The following SYNDIG1 variants were observed in gnomAD, a reference collection of about 807,000 sequenced individuals.
SYNDIG1 encodes synapse differentiation inducing 1.
SYNDIG1 carries 9 observed loss-of-function variants against 19.4 expected under a neutral mutation model. The observed-to-expected ratio is 0.46, with a 90% CI of 0.28 to 0.81. The LOEUF (loss-of-function observed/expected upper bound fraction) is 0.81. Ranked by LOEUF, SYNDIG1 falls within the 30% of genes least tolerant of loss-of-function variation. The probability of loss-of-function intolerance (pLI) is 0.12; values close to 1 mark genes in which losing one functional copy is unlikely to be tolerated. For synonymous variants in SYNDIG1, 141 were observed against 145.9 expected (o/e 0.97, Z 0.24); for missense variants, 311 against 343.3 (o/e 0.91, Z 0.74).
At chr20:24,620,881 C>G (rs1452845296) in intron 3 of SYNDIG1, among the ~76,000 whole-genome samples, 1 of 152,140 alleles carries the variant, frequency 6.6e-6, no homozygotes, top group East Asian at 1.9e-4. Context: ...CCTAAAATGC[C>G]TTCTGTCAGT....
intron 3 of SYNDIG1, among the ~76,000 whole-genome samples, chr20:24,664,774 C>T (rs1471449797): frequency 6.6e-6 from 1 of 152,162 alleles, no homozygotes; most frequent in Non-Finnish European, 1.5e-5. Flanking sequence ...CTCATGGCCA[C>T]AGCAGGTGAG....
intron 2 of SYNDIG1, among the ~76,000 whole-genome samples, chr20:24,577,918 A>T (rs1359869064): frequency 6.6e-6 from 1 of 152,184 alleles, no homozygotes; most frequent in East Asian, 1.9e-4. Context: ...TTCATGGGTA[A>T]TGATAGGCCC....
intron 1 of SYNDIG1, among the ~76,000 whole-genome samples, chr20:24,524,300 C>T (rs938531393): frequency 8.5e-5 from 13 of 152,210 alleles, no homozygotes; most frequent in Admixed American, 3.3e-4. Flanking sequence ...TGTCCACACT[C>T]CTTCTTCTCG....
chr20:24,602,659 C>A (rs924416452), intron 3 of SYNDIG1, among the ~76,000 whole-genome samples: 7 of 152,218 alleles, frequency 4.6e-5, no homozygotes, highest in African/African-American at 1.7e-4. Context: ...TTATTGTCCT[C>A]TCCCTGGCCT....
rs1007655867 is a variant in SYNDIG1, at chr20:24,658,865, T to A, written c.619-6481T>A. ...CTGTTTACTTTTAAATTAGTTAAAA[T>A]TAAATAATATTAAAATTCGGTTCTG... On this transcript the variant is annotated intron_variant, in intron 3 of 3. Transcript: ENST00000376862. This position sits in a 1 kb window ranked among gnomAD's most constrained non-coding sequence, Gnocchi z 4.4. Among the ~76,000 whole-genome samples, 1 of 152,158 alleles carries A rather than the reference T, an allele frequency of 6.6e-6. No homozygotes were observed. Among genetic ancestry groups the A allele is most frequent in the Admixed American group, 6.5e-5 (1 of 15,282 alleles).
At chr20:24,534,532 TGG>T (rs1323074067) in intron 1 of SYNDIG1, among the ~76,000 whole-genome samples, 2 of 152,250 alleles carry the variant, frequency 1.3e-5, no homozygotes, top group African/African-American at 4.8e-5. Flanking sequence ...CCCCTCGGTC[TGG>T]CCCTGGCTAA....
At chr20:24,546,879 C>T (rs2057587955) in intron 2 of SYNDIG1, among the ~76,000 whole-genome samples, 1 of 151,642 alleles carries the variant, frequency 6.6e-6, no homozygotes, top group African/African-American at 2.4e-5. Flanking sequence ...GAAGGCAGTT[C>T]TACTCAGCCA....
At chr20:24,604,639 C>A (rs1442221319) in intron 3 of SYNDIG1, among the ~76,000 whole-genome samples, 1 of 152,172 alleles carries the variant, frequency 6.6e-6, no homozygotes, top group Admixed American at 6.5e-5. Flanking sequence ...CATGAAAAAT[C>A]CGCCCTTTGT....
At chr20:24,534,868 G>T (rs981913873) in intron 1 of SYNDIG1, among the ~76,000 whole-genome samples, 13 of 152,160 alleles carry the variant, frequency 8.5e-5, no homozygotes, top group Admixed American at 5.2e-4. Flanking sequence ...TTATTCCCTG[G>T]GTTTGAGGGA....
At chr20:24,585,124 C>A in intron 3 of SYNDIG1, 131 bp downstream of exon 3, 1 of 1,233,316 alleles carries the variant, frequency 8.1e-7, no homozygotes, top group Non-Finnish European at 1.1e-6. Flanking sequence ...TCGGCACTTG[C>A]CCAGTTGGAG....
intron 2 of SYNDIG1, among the ~76,000 whole-genome samples, chr20:24,562,922 G>A (rs1014434365): frequency 1.0e-4 from 15 of 147,066 alleles, no homozygotes; most frequent in Non-Finnish European, 3.0e-5. Flanking sequence ...AATACCTTCT[G>A]ACACAAGTAA....
intron 1 of SYNDIG1, among the ~76,000 whole-genome samples, chr20:24,500,987 C>T (rs1379579852): frequency 1.3e-5 from 2 of 151,862 alleles, no homozygotes; most frequent in East Asian, 1.9e-4. Context: ...CCAACTCTAC[C>T]GTATAAACAC....
At chr20:24,508,843 G>A (rs2056671091) in intron 1 of SYNDIG1, among the ~76,000 whole-genome samples, 1 of 152,158 alleles carries the variant, frequency 6.6e-6, no homozygotes, top group Non-Finnish European at 1.5e-5. Context: ...CTGAAGAAAA[G>A]GGGAATAAAT....
chr20:24,546,983 G>A (rs895049156), intron 2 of SYNDIG1, among the ~76,000 whole-genome samples: 8 of 152,252 alleles, frequency 5.3e-5, no homozygotes, highest in South Asian at 2.1e-4. Context: ...AAATAATGCC[G>A]TTTTCAAAAA....
chr20:24,661,783 G>T (rs1266046105), intron 3 of SYNDIG1, among the ~76,000 whole-genome samples: 1 of 152,072 alleles, frequency 6.6e-6, no homozygotes, highest in Non-Finnish European at 1.5e-5. Flanking sequence ...GATCCACCAG[G>T]AGCGTCAGAA....
intron 3 of SYNDIG1, among the ~76,000 whole-genome samples, chr20:24,604,112 A>G (rs1317701916): frequency 6.8e-6 from 1 of 147,356 alleles, no homozygotes; most frequent in Non-Finnish European, 1.5e-5. Context: ...TGAAATTTGT[A>G]TTATTCTTTC....
At chr20:24,550,176 A>G (rs6036837) in intron 2 of SYNDIG1, among the ~76,000 whole-genome samples, 126,528 of 152,168 alleles carry the variant, frequency 0.83, 53,160 homozygotes, top group African/African-American at 0.95. Flanking sequence ...TATTTCCCTG[A>G]TTCCTGTCCT....
At chr20:24,531,617 T>C (rs2057261585) in intron 1 of SYNDIG1, among the ~76,000 whole-genome samples, 1 of 120,460 alleles carries the variant, frequency 8.3e-6, no homozygotes, top group African/African-American at 2.8e-5. Flanking sequence ...CTATTAAACA[T>C]TAGAGACAAT....
chr20:24,621,760 C>A (rs1380998161), intron 3 of SYNDIG1, among the ~76,000 whole-genome samples: 1 of 152,158 alleles, frequency 6.6e-6, no homozygotes, highest in Non-Finnish European at 1.5e-5. Flanking sequence ...AGTATAATAA[C>A]CATGAGTTGA....
Sources: allele counts gnomAD v4.1 joint callset (sites outside exome capture counted in the v4.1 genomes callset), GRCh38; gene constraint gnomAD v4.1.1; non-coding constraint Gnocchi (gnomAD v3.1); transcripts MANE v1.5; gene names NCBI Gene and HGNC (gene_info 2026-07-23, HGNC 2026-07-21).